RPS6KA5: variants seen among roughly 807,000 people sequenced by gnomAD.
RPS6KA5 encodes the protein ribosomal protein S6 kinase A5.
RPS6KA5 carries 27 observed loss-of-function variants against 85.5 expected under a neutral mutation model. The observed-to-expected ratio is 0.32, with a 90% CI of 0.23 to 0.44. The LOEUF is 0.44. RPS6KA5 is among the 20% of genes least tolerant of loss of function. The pLI is 1.00. For missense variants in RPS6KA5, 811 were observed against 980.9 expected (o/e 0.83, Z 2.31); for synonymous variants, 334 against 348.2 (o/e 0.96, Z 0.46).
At chr14:91,025,604 T>G (rs953056817) in intron 1 of RPS6KA5, among the ~76,000 whole-genome samples, 13 of 152,040 alleles carry the variant, frequency 8.6e-5, no homozygotes, top group Non-Finnish European at 1.8e-4. Flanking sequence ...GACATTATCC[T>G]CCAGACCTAC....
chr14:90,873,486 A>C, intron 16 of RPS6KA5, 146 bp downstream of exon 16: 2 of 735,982 alleles, frequency 2.7e-6, no homozygotes, highest in South Asian at 5.3e-5. Flanking sequence ...ACCATGAAGC[A>C]ATTTATAAAA....
rs2039666789 is a variant in RPS6KA5, at chr14:90,978,664, A to G, written c.176-140T>C. On this transcript the variant is annotated intron_variant, in intron 2 of 16. Coordinates refer to ENST00000614987, the MANE Select transcript of RPS6KA5 (RefSeq NM_004755.4). ...ACCCTTGGTACCAGTTCAAATAGTT[A>G]TTTGATAGATTTCTTCAATTTTATA... is the stretch of plus-strand genomic sequence containing the variant. 3 of 602,500 alleles carry G rather than the reference A, an allele frequency of 5.0e-6. No individual in the cohort carries two copies. In the East Asian group the frequency reaches 8.8e-5, roughly 18 times the overall value. 37.3% of individuals were successfully genotyped at this position (602,500 alleles called of 1,614,324 possible).
intron 3 of RPS6KA5, among the ~76,000 whole-genome samples, chr14:90,956,549 G>C (rs1033699754): frequency 1.3e-5 from 2 of 151,098 alleles, no homozygotes; most frequent in African/African-American, 4.9e-5. Flanking sequence ...TTACTTTTTT[G>C]TTTTCTATAT....
At chr14:90,879,183 G>T (rs1352664915) in intron 14 of RPS6KA5, among the ~76,000 whole-genome samples, 1 of 152,228 alleles carries the variant, frequency 6.6e-6, no homozygotes, top group Non-Finnish European at 1.5e-5. Context: ...AAGTCAGGTA[G>T]GCACAGCAAC....
intron 3 of RPS6KA5, among the ~76,000 whole-genome samples, chr14:90,964,677 A>T (rs2038968246): frequency 6.6e-6 from 1 of 151,912 alleles, no homozygotes; most frequent in Admixed American, 6.6e-5. Context: ...ACTTTGGGAG[A>T]CTGAGATGGG....
intron 1 of RPS6KA5, among the ~76,000 whole-genome samples, chr14:91,048,261 T>C (rs547689336): frequency 1.3e-5 from 2 of 152,326 alleles, no homozygotes; most frequent in South Asian, 4.1e-4. Context: ...GAATTAATGA[T>C]ATAATTATTT....
chr14:90,899,434 G>C lies in RPS6KA5; in HGVS notation c.1380-12C>G, dbSNP rs1311115422. The C allele has an allele frequency of 1.3e-6, 2 of 1,587,676 alleles. No individual in the cohort carries two copies. Among genetic ancestry groups the C allele is most frequent in the East Asian group, 2.2e-5 (1 of 44,754 alleles). ...TATTGGCTTCCATCCTGCAAGATGA[G>C]ACACTTAGCATCCACATGTCTCTTC... On this transcript the variant is annotated splice_polypyrimidine_tract_variant and intron_variant, in intron 11 of 16. Transcript: ENST00000614987.
At chr14:91,006,175 T>C (rs1375494356) in intron 1 of RPS6KA5, among the ~76,000 whole-genome samples, 1 of 152,176 alleles carries the variant, frequency 6.6e-6, no homozygotes, top group Non-Finnish European at 1.5e-5. Context: ...GCACAATTAA[T>C]AGGTAGACTC....
intron 1 of RPS6KA5, among the ~76,000 whole-genome samples, chr14:91,013,947 A>G (rs531854858): frequency 3.9e-4 from 59 of 152,358 alleles, no homozygotes; most frequent in African/African-American, 1.3e-3. Flanking sequence ...AAACATTGGA[A>G]AGTACTAAAA....
At chr14:90,947,384 A>T in intron 4 of RPS6KA5, 51 bp downstream of exon 4, 1 of 955,788 alleles carries the variant, frequency 1.0e-6, no homozygotes, top group Non-Finnish European at 1.7e-6. Flanking sequence ...CTCCATTATT[A>T]CCTTAGTTAA....
intron 3 of RPS6KA5, among the ~76,000 whole-genome samples, chr14:90,976,229 A>C (rs1375414512): frequency 2.0e-5 from 3 of 147,930 alleles, no homozygotes; most frequent in Non-Finnish European, 4.5e-5. Flanking sequence ...AAAAGAGAGG[A>C]GACAGAAAGG....
chr14:91,045,395 C>G (rs1447981048), intron 1 of RPS6KA5, among the ~76,000 whole-genome samples: 3 of 151,744 alleles, frequency 2.0e-5, no homozygotes, highest in Non-Finnish European at 4.4e-5. Context: ...TCCTGAGTAA[C>G]TGGGATTACA....
chr14:90,941,358 G>A (rs998098641), intron 5 of RPS6KA5, among the ~76,000 whole-genome samples: 5 of 152,156 alleles, frequency 3.3e-5, no homozygotes, highest in African/African-American at 1.2e-4. Flanking sequence ...TGGAGATTTT[G>A]TTCTTGGCTT....
rs1352060258 is a variant in RPS6KA5, at chr14:90,862,004, A to T, written c.*10070T>A. 6.6e-6 allele frequency: 1 copy of T among 152,232 alleles called. No homozygotes were observed. The highest frequency in any genetic ancestry group is 1.5e-5 in the Non-Finnish European group (1 of 68,038). 9.4% of individuals were successfully genotyped at this position (152,232 alleles called of 1,614,324 possible). ...GCAGCAAGTCAAAGATACAAGCTGT[A>T]ATCTTTAAGGTACTAAATGAATTTC... is the stretch of plus-strand genomic sequence containing the variant. On this transcript the variant is annotated 3_prime_UTR_variant, in exon 17 of 17. Transcript: ENST00000614987.
At chr14:90,889,294 CAAAAAAAA>C (rs11450327) in intron 14 of RPS6KA5, among the ~76,000 whole-genome samples, 1 of 71,240 alleles carries the variant, frequency 1.4e-5, no homozygotes, top group African/African-American at 5.4e-5. Flanking sequence ...ACTTTGTCTC[CAAAAAAAA>C]AAAAAAAAAA....
intron 2 of RPS6KA5, among the ~76,000 whole-genome samples, chr14:90,988,804 C>T (rs1204333450): frequency 6.6e-6 from 1 of 151,822 alleles, no homozygotes. Context: ...CAGAGCAAGA[C>T]TCCATCTCAA....
At chr14:90,919,669 T>A (rs184646430) in intron 7 of RPS6KA5, among the ~76,000 whole-genome samples, 1 of 152,124 alleles carries the variant, frequency 6.6e-6, no homozygotes, top group African/African-American at 2.4e-5. Flanking sequence ...GTGTGACAGA[T>A]AGACATTAAT....
chr14:90,951,486 A>C lies in RPS6KA5; in HGVS notation c.395-3936T>G, dbSNP rs541803508. Among the ~76,000 whole-genome samples, 9 of 152,264 alleles carry C rather than the reference A, an allele frequency of 5.9e-5. No homozygotes were observed. In the South Asian group the frequency reaches 1.2e-3, roughly 21 times the overall value. On this transcript the variant is annotated intron_variant, in intron 3 of 16. Transcript: ENST00000614987. ...TGAGACTCCATCTCAACAACAAAAA[A>C]ACAAAAAACAAAAAACCTGTAGGAA... is the stretch of plus-strand genomic sequence containing the variant.
chr14:90,938,184 G>A (rs143376237), intron 5 of RPS6KA5, among the ~76,000 whole-genome samples: 65 of 152,250 alleles, frequency 4.3e-4, no homozygotes, highest in African/African-American at 1.1e-3. Flanking sequence ...AAAATCCAGC[G>A]GGGCAGTCAA....
Sources: gnomAD v4.1 joint callset for allele counts (sites outside exome capture counted in the v4.1 genomes callset) on GRCh38, gnomAD v4.1.1 for gene constraint, MANE v1.5 for transcripts, NCBI Gene and HGNC (gene_info 2026-07-23, HGNC 2026-07-21) for gene names.